Variants in BARD1 observed in about 807,000 individuals in gnomAD.
BARD1 encodes BRCA1 associated RING domain 1.
A neutral mutation model predicts 77.0 loss-of-function variants in BARD1; 73 were observed. That is an observed-to-expected ratio of 0.95 (90% CI 0.79 to 1.15). The LOEUF (loss-of-function observed/expected upper bound fraction) is 1.15. Among genes scored for constraint, BARD1 ranks in the 50% most tolerant of loss-of-function variants. The pLI, the probability that BARD1 is intolerant of heterozygous loss-of-function variation, is 0.00. For missense variants in BARD1, 993 were observed against 938.8 expected (o/e 1.06, Z -0.75); for synonymous variants, 384 against 338.0 (o/e 1.14, Z -1.49).
chr2:214,785,442 C>A lies in BARD1; in HGVS notation c.365-3933G>T, dbSNP rs549134995. Among the ~76,000 whole-genome samples the A allele has an allele frequency of 2.9e-4, 44 of 152,104 alleles. 1 individual carries two copies. In the East Asian group the frequency reaches 4.8e-3, roughly 17 times the overall value. On this transcript the variant is annotated intron_variant, in intron 3 of 10. Transcript: ENST00000260947. ...GTAAAATCAACCCAGCTCAGCCCAG[C>A]ACAGTGGTGAGCACATGAATAGACA... is the stretch of plus-strand genomic sequence containing the variant.
rs376727038 is a variant in BARD1 at position 214,769,288 on chromosome 2, G to C, written c.1339C>G (p.Leu447Val). ...TTTGGATCACTTCCATTTTGTAAAA[G>C]GTATTCAACAGAAGGTATGTCGCCC... ...IKGDIPSVEYLLQNGSDPNVK... is the reference protein window; with the variant it reads ...IKGDIPSVEYVLQNGSDPNVK... The change falls in exon 5 of 11, where the codon CTT (leucine) becomes GTT (valine). Residue 447 changes from leucine (L) to valine (V), a missense_variant. Transcript: ENST00000260947. 257 of 1,613,400 alleles carry C rather than the reference G, an allele frequency of 1.6e-4. No homozygotes were observed. Among genetic ancestry groups the C allele is most frequent in the Non-Finnish European group, 2.1e-4 (247 of 1,179,550 alleles).
In BARD1 at chr2:214,770,768, CGAAGGTAGACTGT is replaced by C. The variant is rs568940417; in HGVS notation, c.1315-1469_1315-1457del. 3.9e-3 allele frequency among the ~76,000 whole-genome samples: 599 copies of C among 152,226 alleles called. 3 individuals carry two copies. Among genetic ancestry groups the C allele is most frequent in the African/African-American group, 0.013 (558 of 41,522 alleles). ...GCTTCCCTCTGCTGCCAGCCTCCAG[CGAAGGTAGACTGT>C]GGCAAAGGAGTTCTGGGGAACTGGT... On this transcript the variant is annotated intron_variant, in intron 4 of 10. Transcript: ENST00000260947.
At chr2:214,758,227 T>C (rs13024977) in intron 6 of BARD1, among the ~76,000 whole-genome samples, 47,100 of 152,168 alleles carry the variant, frequency 0.31, 8,635 homozygotes, top group Non-Finnish European at 0.42. Flanking sequence ...CTTATGACTT[T>C]ACACGAATTA....
intron 9 of BARD1, among the ~76,000 whole-genome samples, chr2:214,744,441 CAT>C (rs1348972237): frequency 5.3e-5 from 8 of 152,172 alleles, no homozygotes; most frequent in African/African-American, 1.2e-4. Flanking sequence ...ATATTTAAAA[CAT>C]GTGTTATTAA....
chr2:214,787,413 A>C (rs1277568457), intron 3 of BARD1, among the ~76,000 whole-genome samples: 2 of 151,980 alleles, frequency 1.3e-5, no homozygotes, highest in Non-Finnish European at 2.9e-5. Context: ...AGCAAGGAGC[A>C]CAACAAAGAT....
intron 1 of BARD1, among the ~76,000 whole-genome samples, chr2:214,802,191 T>G (rs921076311): frequency 3.3e-5 from 5 of 152,200 alleles, no homozygotes; most frequent in African/African-American, 1.2e-4. Context: ...TTTGATCTTT[T>G]CCCAGGCTAG....
intron 4 of BARD1, among the ~76,000 whole-genome samples, chr2:214,773,372 A>G (rs1465186070): frequency 6.6e-6 from 1 of 152,244 alleles, no homozygotes; most frequent in Non-Finnish European, 1.5e-5. Flanking sequence ...CTTGGCAATT[A>G]GATGCCATTA....
chr2:214,728,738 C>G lies in BARD1; in HGVS notation c.2272G>C (p.Ala758Pro), dbSNP rs863224672. The stretch of plus-strand genomic sequence containing the variant: ...CAGTCTATAAACCAGCTCGAAGGAG[C>G]CTTCCAGACTTTGCCCTGCCGAACC... ...ERVRQGKVWK[A>P]PSSWFIDCVM... Residue 758 changes from alanine (A) to proline (P), a missense_variant, in exon 11 of 11, where the codon GCT (alanine) becomes CCT (proline). Coordinates refer to ENST00000260947, the MANE Select transcript of BARD1 (RefSeq NM_000465.4). The G allele has an allele frequency of 5.6e-6, 9 of 1,614,164 alleles. No homozygotes were observed. Among genetic ancestry groups the G allele is most frequent in the Non-Finnish European group, 6.8e-6 (8 of 1,180,032 alleles).
At chr2:214,735,335 G>C (rs78691983) in intron 9 of BARD1, among the ~76,000 whole-genome samples, 1 of 152,118 alleles carries the variant, frequency 6.6e-6, no homozygotes, top group Non-Finnish European at 1.5e-5. Flanking sequence ...TGTTTACAGC[G>C]TGAGAGCTGA....
chr2:214,766,927 T>A (rs983674842), intron 6 of BARD1, among the ~76,000 whole-genome samples: 1 of 152,138 alleles, frequency 6.6e-6, no homozygotes, highest in Non-Finnish European at 1.5e-5. Flanking sequence ...CACCCAGGTA[T>A]TGAGCCTAGT....
chr2:214,767,430 A>T, intron 6 of BARD1, 52 bp downstream of exon 6: 1 of 1,558,398 alleles, frequency 6.4e-7, no homozygotes. Context: ...ACACACCTTG[A>T]TTCAAGAATA....
chr2:214,751,134 TATATATATATATA>T (rs1693410579), intron 7 of BARD1, among the ~76,000 whole-genome samples: 3 of 42,946 alleles, frequency 7.0e-5, no homozygotes, highest in Admixed American at 2.4e-4. Flanking sequence ...TATATATATA[TATATATATATATA>T]TATATTTTTT....
rs1574706961 is a variant in BARD1 at position 214,730,454 on chromosome 2, A to G, written c.1958T>C (p.Ile653Thr). 6.2e-7 allele frequency: 1 copy of G among 1,613,800 alleles called. No individual in the cohort carries two copies. Among genetic ancestry groups the G allele is most frequent in the Non-Finnish European group, 8.5e-7 (1 of 1,179,790 alleles). ...CCTGCTTCTGCGTGGACCTTCAGGAATTTCATACTTTTCTTCCTGTTCACA... is the reference window on the plus strand; with the variant it reads ...CCTGCTTCTGCGTGGACCTTCAGGAGTTTCATACTTTTCTTCCTGTTCACA... The part of the protein sequence containing the change: ...KVCEQEEKYE[I>T]PEGPRRSRLN... Residue 653 changes from isoleucine to threonine, a missense_variant, in exon 10 of 11, where the codon ATT (isoleucine) becomes ACT (threonine). Physicochemically the swap from Ile to Thr is moderately conservative, Grantham distance 89 (BLOSUM62 -1). Coordinates refer to ENST00000260947, the MANE Select transcript of BARD1 (RefSeq NM_000465.4).
chr2:214,741,731 A>G (rs933284452), intron 9 of BARD1, among the ~76,000 whole-genome samples: 1 of 152,204 alleles, frequency 6.6e-6, no homozygotes, highest in Non-Finnish European at 1.5e-5. Context: ...TAAAAGAAAT[A>G]TAAGATAGAC....
At chr2:214,787,843 G>T (rs1203985144) in intron 3 of BARD1, among the ~76,000 whole-genome samples, 1 of 151,976 alleles carries the variant, frequency 6.6e-6, no homozygotes, top group African/African-American at 2.4e-5. Context: ...CATGTACACT[G>T]TGTGCCTTTC....
rs758368819 is a variant in BARD1, at chr2:214,781,120, G to A, written c.754C>T (p.Pro252Ser). Reference protein sequence around the residue: ...FCSQPSVISSPQINGEIDLLA... With the variant: ...FCSQPSVISSSQINGEIDLLA... ...AAGTCTATTTCACCATTTATCTGAG[G>A]ACTGGAGATAACAGATGGTTGGCTA... Residue 252 changes from proline (P) to serine (S), a missense_variant, in exon 4 of 11, where the codon CCT becomes TCT. Pro to Ser is a moderately conservative substitution (Grantham distance 74). Coordinates refer to ENST00000260947, the MANE Select transcript of BARD1 (RefSeq NM_000465.4). The A allele has an allele frequency of 1.9e-6, 3 of 1,578,650 alleles. No homozygotes were observed. Among genetic ancestry groups the A allele is most frequent in the South Asian group, 1.2e-5 (1 of 83,684 alleles).
chr2:214,754,024 A>G (rs1693581200), intron 6 of BARD1, among the ~76,000 whole-genome samples: 1 of 152,150 alleles, frequency 6.6e-6, no homozygotes, highest in Admixed American at 6.6e-5. Context: ...TACAGCAGAC[A>G]ATCTCAGGGT....
chr2:214,748,767 G>C (rs1693262861), intron 7 of BARD1, among the ~76,000 whole-genome samples: 1 of 151,916 alleles, frequency 6.6e-6, no homozygotes, highest in Admixed American at 6.6e-5. Context: ...GCTCACTGGA[G>C]ATCACTGATT....
chr2:214,797,897 A>AT (rs1416713697), intron 1 of BARD1, among the ~76,000 whole-genome samples: 1 of 152,182 alleles, frequency 6.6e-6, no homozygotes, highest in Non-Finnish European at 1.5e-5. Flanking sequence ...AATACTGTCC[A>AT]TCAAAATACC....
Sources: gnomAD v4.1 joint callset for allele counts (sites outside exome capture counted in the v4.1 genomes callset) on GRCh38, gnomAD v4.1.1 for gene constraint, MANE v1.5 for transcripts, NCBI Gene and HGNC (gene_info 2026-07-23, HGNC 2026-07-21) for gene names.